KCNH5: variants seen among roughly 807,000 people sequenced by gnomAD.
KCNH5 encodes the protein potassium voltage-gated channel subfamily H member 5.
Under a neutral mutation model 96.1 loss-of-function variants are expected in KCNH5, and 46 were observed. The ratio of observed to expected loss-of-function variants is 0.48; its 90% CI spans 0.38 to 0.61. The LOEUF is 0.61. Ranked by LOEUF, KCNH5 falls within the 20% of genes least tolerant of loss-of-function variation. The probability of loss-of-function intolerance (pLI) is 0.00; values close to 1 mark genes in which losing one functional copy is unlikely to be tolerated. For synonymous variants in KCNH5, 439 were observed against 449.8 expected, an observed-to-expected ratio of 0.98 and a Z score of 0.30; for missense variants, 907 against 1,225.8, an observed-to-expected ratio of 0.74 and a Z score of 3.88.
At chr14:62,907,628 A>T (rs1331716270) in intron 7 of KCNH5, among the ~76,000 whole-genome samples, 1 of 152,190 alleles carries the variant, frequency 6.6e-6, no homozygotes. Flanking sequence ...ATTGAGGGTC[A>T]ATTGCCTAGA....
At chr14:62,787,478 A>G (rs1306168910) in intron 9 of KCNH5, among the ~76,000 whole-genome samples, 1 of 152,226 alleles carries the variant, frequency 6.6e-6, no homozygotes, top group South Asian at 2.1e-4. Flanking sequence ...ACTGATGTAG[A>G]AGCTGCAGCA....
At chr14:62,781,860 C>A (rs1188178907) in intron 9 of KCNH5, among the ~76,000 whole-genome samples, 1 of 150,798 alleles carries the variant, frequency 6.6e-6, no homozygotes, top group Non-Finnish European at 1.5e-5. Flanking sequence ...CCTCAGCTGA[C>A]AGGATTAAGA....
intron 6 of KCNH5, among the ~76,000 whole-genome samples, chr14:62,961,426 C>A (rs1594647178): frequency 2.6e-5 from 4 of 152,106 alleles, no homozygotes; most frequent in South Asian, 4.1e-4. Context: ...AAAAATGTAA[C>A]CCCCTCAGAG....
intron 1 of KCNH5, among the ~76,000 whole-genome samples, chr14:63,024,830 C>T (rs1238607117): frequency 6.6e-6 from 1 of 152,090 alleles, no homozygotes; most frequent in East Asian, 1.9e-4. Flanking sequence ...CTTACTAATT[C>T]AATCTTTCTC....
chr14:62,707,615 T>A lies in KCNH5; in HGVS notation c.2860A>T (p.Lys954Ter). 6.4e-7 allele frequency: 1 copy of A among 1,550,566 alleles called. No individual in the cohort carries two copies. Among genetic ancestry groups the A allele is most frequent in the Non-Finnish European group, 8.7e-7 (1 of 1,145,464 alleles). The change falls in exon 11 of 11, where the codon AAA becomes TAA. Residue 954 changes from lysine to a stop codon, truncating the protein, a stop_gained. Coordinates refer to ENST00000322893, the MANE Select transcript of KCNH5 (RefSeq NM_139318.5). LOFTEE classifies it high-confidence loss of function. The stretch of plus-strand genomic sequence containing the variant: ...GGTACTTGGAGTGGCATTTGGGATT[T>A]GGGAGATGAGGCCTGGGGTACGCTT... The part of the protein sequence containing the change: ...EKSVPQASSP[K>*]SQMPLQVPPQ...
chr14:62,780,039 G>T (rs1886177471), intron 9 of KCNH5, 115 bp from the exon 10 acceptor site: 2 of 720,904 alleles, frequency 2.8e-6, no homozygotes, highest in African/African-American at 1.8e-5. Context: ...AGAGCTGAGG[G>T]TATAACCACA....
rs1555363113 is a variant in KCNH5, at chr14:62,910,899, CCACACACACACA to C, written c.1369+39222_1369+39233del. 4.3e-3 allele frequency among the ~76,000 whole-genome samples: 605 copies of C among 140,358 alleles called. 7 individuals carry two copies. Among genetic ancestry groups the C allele is most frequent in the African/African-American group, 0.014 (543 of 37,572 alleles). 92.1% of individuals were successfully genotyped at this position (140,358 alleles called of 152,430 possible). ...CAAACAGGGTATGTGTGTGCATACA[CCACACACACACA>C]CACACACACACACACACACACACAC... On this transcript the variant is annotated intron_variant, in intron 7 of 10. Transcript: ENST00000322893.
intron 7 of KCNH5, among the ~76,000 whole-genome samples, chr14:62,868,902 T>C (rs1302293858): frequency 6.6e-6 from 1 of 152,242 alleles, no homozygotes; most frequent in Non-Finnish European, 1.5e-5. Flanking sequence ...TTCCATGATG[T>C]ATATGTGCCA....
At chr14:62,839,860 C>T (rs1424428335) in intron 8 of KCNH5, among the ~76,000 whole-genome samples, 1 of 152,050 alleles carries the variant, frequency 6.6e-6, no homozygotes, top group Non-Finnish European at 1.5e-5. Flanking sequence ...CAGCTTCTAA[C>T]AATCTTTCAC....
At chr14:62,954,929 C>A (rs919993093) in intron 6 of KCNH5, among the ~76,000 whole-genome samples, 4 of 152,056 alleles carry the variant, frequency 2.6e-5, no homozygotes, top group Non-Finnish European at 5.9e-5. Flanking sequence ...AGGAAACACC[C>A]CCACGATTCA....
Position 62,963,054 on chromosome 14 carries a change from C to G in KCNH5, c.943-12495G>C, listed in dbSNP as rs145348213. Among the ~76,000 whole-genome samples, 5 of 152,210 alleles carry G rather than the reference C, an allele frequency of 3.3e-5. No individual in the cohort carries two copies. In the East Asian group the frequency reaches 9.6e-4, roughly 29 times the overall value. On this transcript the variant is annotated intron_variant, in intron 6 of 10. Transcript: ENST00000322893. Reference sequence around the variant, plus strand: ...TAGGTCACAATGCCTACATCATTCACCCTACTTCATCTCATCATGTAGGCA... The same window carrying G: ...TAGGTCACAATGCCTACATCATTCAGCCTACTTCATCTCATCATGTAGGCA...
At chr14:62,917,483 A>T (rs1333899742) in intron 7 of KCNH5, among the ~76,000 whole-genome samples, 1 of 152,170 alleles carries the variant, frequency 6.6e-6, no homozygotes, top group African/African-American at 2.4e-5. Flanking sequence ...GAAAAGCAAA[A>T]TCTGACCTGA....
intron 10 of KCNH5, among the ~76,000 whole-genome samples, chr14:62,739,822 A>G (rs961172732): frequency 6.6e-6 from 1 of 152,190 alleles, no homozygotes. Context: ...CTGAAGGGAA[A>G]GTTTGCTGCA....
At chr14:62,774,081 G>A (rs967149138) in intron 10 of KCNH5, among the ~76,000 whole-genome samples, 1 of 152,092 alleles carries the variant, frequency 6.6e-6, no homozygotes, top group African/African-American at 2.4e-5. Flanking sequence ...TATGACTATT[G>A]CAGCATAAGA....
At chr14:62,969,757 ATTTT>A (rs779644836) in intron 6 of KCNH5, among the ~76,000 whole-genome samples, 2 of 113,918 alleles carry the variant, frequency 1.8e-5, no homozygotes, top group Admixed American at 9.3e-5. Flanking sequence ...AATAAAATTA[ATTTT>A]TTTTTTTTTT....
At chr14:62,883,350 A>G (rs1888530341) in intron 7 of KCNH5, among the ~76,000 whole-genome samples, 1 of 152,220 alleles carries the variant, frequency 6.6e-6, no homozygotes, top group Admixed American at 6.5e-5. Context: ...AGGAAATGCA[A>G]TGATTTTACT....
intron 6 of KCNH5, among the ~76,000 whole-genome samples, chr14:62,969,971 G>C (rs898849948): frequency 7.0e-6 from 1 of 142,806 alleles, no homozygotes; most frequent in Non-Finnish European, 1.5e-5. Context: ...CTGGGAGGCA[G>C]AGGTTGCAGT....
chr14:62,877,683 A>G (rs1276229392), intron 7 of KCNH5, among the ~76,000 whole-genome samples: 2 of 151,872 alleles, frequency 1.3e-5, no homozygotes. Context: ...ATCATTAAAA[A>G]GTCAGGAAAC....
intron 8 of KCNH5, among the ~76,000 whole-genome samples, chr14:62,834,439 G>C (rs1887423957): frequency 6.6e-6 from 1 of 151,884 alleles, no homozygotes; most frequent in African/African-American, 2.4e-5. Context: ...AAAACTCCCT[G>C]CCCCCATGGA....
Sources: allele counts gnomAD v4.1 joint callset (sites outside exome capture counted in the v4.1 genomes callset), GRCh38; gene constraint gnomAD v4.1.1; transcripts MANE v1.5; gene names NCBI Gene and HGNC (gene_info 2026-07-23, HGNC 2026-07-21).